Variants in SPATA16 observed in about 807,000 individuals in gnomAD.
SPATA16 encodes spermatogenesis associated 16, also known as spermatogenesis-associated protein 16.
SPATA16 carries 36 observed loss-of-function variants against 63.3 expected under a neutral mutation model. The ratio of observed to expected loss-of-function variants is 0.57; its 90% CI spans 0.44 to 0.75. SPATA16 has a LOEUF of 0.75. Among genes scored for constraint, SPATA16 ranks in the 30% least tolerant of loss-of-function variants. The pLI is 0.00. For missense variants in SPATA16, 646 were observed against 679.3 expected, an observed-to-expected ratio of 0.95 and a Z score of 0.54; for synonymous variants, 203 against 216.7, an observed-to-expected ratio of 0.94 and a Z score of 0.56.
At chr3:172,910,606 T>C (rs1203188075) in intron 10 of SPATA16, among the ~76,000 whole-genome samples, 7 of 152,008 alleles carry the variant, frequency 4.6e-5, no homozygotes, top group Non-Finnish European at 7.4e-5. Flanking sequence ...TAAACAACTA[T>C]TTCTATAGCC....
intron 6 of SPATA16, among the ~76,000 whole-genome samples, chr3:172,947,461 G>A (rs1733319950): frequency 6.6e-6 from 1 of 152,096 alleles, no homozygotes; most frequent in Admixed American, 6.6e-5. Context: ...GACTGGATTT[G>A]TTCATACCTT....
chr3:172,977,335 A>T (rs1404443869), intron 4 of SPATA16, among the ~76,000 whole-genome samples: 1 of 152,126 alleles, frequency 6.6e-6, no homozygotes, highest in Admixed American at 6.5e-5. Flanking sequence ...AGATTATGAG[A>T]GAATGTTTTG....
chr3:172,929,685 C>G (rs570304931), intron 6 of SPATA16, among the ~76,000 whole-genome samples: 1 of 152,272 alleles, frequency 6.6e-6, no homozygotes, highest in South Asian at 2.1e-4. Flanking sequence ...GGGAATATCT[C>G]TAGTCTTGTC....
At chr3:173,055,751 T>C (rs1281257186) in intron 2 of SPATA16, among the ~76,000 whole-genome samples, 2 of 152,170 alleles carry the variant, frequency 1.3e-5, no homozygotes, top group African/African-American at 2.4e-5. Flanking sequence ...AGAGTGAAAG[T>C]GCAAGTAAAA....
intron 10 of SPATA16, among the ~76,000 whole-genome samples, chr3:172,909,060 G>A (rs1287445427): frequency 6.6e-6 from 1 of 152,108 alleles, no homozygotes; most frequent in African/African-American, 2.4e-5. Flanking sequence ...ATCATTATCA[G>A]GACTTTTAAT....
At position 173,129,371 on chromosome 3, in the gene SPATA16, T is replaced by C. The variant is rs1438573988; in HGVS notation, c.-18-11622A>G. Among the ~76,000 whole-genome samples, 6 of 152,340 alleles carry C rather than the reference T, an allele frequency of 3.9e-5. No homozygotes were observed. In the South Asian group the frequency reaches 6.2e-4, roughly 16 times the overall value. ...AGCCAGATTACTTAACTTTGATGTA[T>C]CTTGGTTTCCTTACCCAAAAAACAT... On this transcript the variant is annotated intron_variant, in intron 1 of 10. Transcript: ENST00000351008.
At chr3:172,963,336 G>C (rs898426172) in intron 5 of SPATA16, among the ~76,000 whole-genome samples, 1 of 151,946 alleles carries the variant, frequency 6.6e-6, no homozygotes, top group African/African-American at 2.4e-5. Context: ...GCATTATTTA[G>C]AAATCACTAA....
chr3:173,016,190 T>G (rs1735183002), intron 4 of SPATA16, among the ~76,000 whole-genome samples: 1 of 152,218 alleles, frequency 6.6e-6, no homozygotes, highest in East Asian at 1.9e-4. Flanking sequence ...TTTTGTTCAA[T>G]TTCTATAATT....
intron 10 of SPATA16, among the ~76,000 whole-genome samples, chr3:172,907,822 C>T (rs1428964384): frequency 1.3e-5 from 2 of 152,190 alleles, no homozygotes; most frequent in Non-Finnish European, 2.9e-5. Flanking sequence ...AGGTGATCTG[C>T]CCACCTCGGC....
At chr3:172,999,469 A>G (rs1455728630) in intron 4 of SPATA16, among the ~76,000 whole-genome samples, 2 of 151,272 alleles carry the variant, frequency 1.3e-5, no homozygotes, top group Non-Finnish European at 1.5e-5. Flanking sequence ...GCTGGAGTGC[A>G]GTGGCACCAT....
rs1484346909 is a variant in SPATA16, at chr3:172,942,043, G to T, written c.1081+14634C>A. Among the ~76,000 whole-genome samples the T allele has an allele frequency of 3.9e-5, 6 of 152,024 alleles. No individual in the cohort carries two copies. In the East Asian group the frequency reaches 1.2e-3, roughly 29 times the overall value. On this transcript the variant is annotated intron_variant, in intron 6 of 10. Coordinates refer to ENST00000351008, the MANE Select transcript of SPATA16 (RefSeq NM_031955.6). Reference sequence around the variant, plus strand: ...AATATGAGAGAAGGCAGGTTAGGAGGGGGGAAAAGCATGTGGACTAAAGCC... The same window carrying T: ...AATATGAGAGAAGGCAGGTTAGGAGTGGGGAAAAGCATGTGGACTAAAGCC...
chr3:173,011,458 C>T (rs1432239139), intron 4 of SPATA16, among the ~76,000 whole-genome samples: 1 of 152,128 alleles, frequency 6.6e-6, no homozygotes, highest in Non-Finnish European at 1.5e-5. Context: ...CAACATCATA[C>T]TTATGAGATC....
intron 10 of SPATA16, among the ~76,000 whole-genome samples, chr3:172,899,221 G>A (rs1407218681): frequency 6.6e-6 from 1 of 151,972 alleles, no homozygotes; most frequent in East Asian, 1.9e-4. Context: ...TGTTGAGAAA[G>A]GGAAGTTGAA....
intron 3 of SPATA16, among the ~76,000 whole-genome samples, chr3:173,036,539 T>C (rs1735719053): frequency 6.6e-6 from 1 of 152,044 alleles, no homozygotes; most frequent in Non-Finnish European, 1.5e-5. Flanking sequence ...GATGAACTAA[T>C]GGCTTTTAAT....
chr3:172,983,193 C>A (rs1215866719), intron 4 of SPATA16, among the ~76,000 whole-genome samples: 1 of 152,146 alleles, frequency 6.6e-6, no homozygotes, highest in African/African-American at 2.4e-5. Flanking sequence ...GTTCTCTCTC[C>A]AGTGTTAATG....
chr3:173,094,412 T>C (rs1408169122), intron 2 of SPATA16, among the ~76,000 whole-genome samples: 2 of 152,162 alleles, frequency 1.3e-5, no homozygotes, highest in Admixed American at 6.6e-5. Flanking sequence ...ATTTCAAGCA[T>C]ATAGTTGTGA....
chr3:173,010,484 T>C (rs1381403929), intron 4 of SPATA16, among the ~76,000 whole-genome samples: 1 of 147,552 alleles, frequency 6.8e-6, no homozygotes, highest in Non-Finnish European at 1.5e-5. Flanking sequence ...GTTTTTGTTT[T>C]TGTGGTGGGG....
Position 173,001,278 on chromosome 3 carries a change from T to G in SPATA16, c.848+18208A>C, listed in dbSNP as rs115042457. Among the ~76,000 whole-genome samples the G allele has an allele frequency of 2.9e-3, 437 of 151,792 alleles. 4 individuals carry two copies. Among genetic ancestry groups the G allele is most frequent in the African/African-American group, 9.3e-3 (384 of 41,322 alleles). ...CAATGCTTCTCAGTTGTTTTTTTTT[T>G]TTTGTTTTCACCCTTAGGTGCAATA... On this transcript the variant is annotated intron_variant, in intron 4 of 10. Transcript: ENST00000351008.
intron 6 of SPATA16, among the ~76,000 whole-genome samples, chr3:172,941,899 G>A (rs1733156851): frequency 6.6e-6 from 1 of 151,924 alleles, no homozygotes; most frequent in Non-Finnish European, 1.5e-5. Flanking sequence ...AGTATTCTAT[G>A]ACCTTTATCT....
Sources: gnomAD v4.1 joint callset for allele counts (sites outside exome capture counted in the v4.1 genomes callset) on GRCh38, gnomAD v4.1.1 for gene constraint, MANE v1.5 for transcripts, NCBI Gene and HGNC (gene_info 2026-07-23, HGNC 2026-07-21) for gene names.